AGPAT5: variants seen among roughly 807,000 people sequenced by gnomAD.
AGPAT5 encodes the protein 1-acyl-sn-glycerol-3-phosphate acyltransferase epsilon.
A neutral mutation model predicts 45.6 loss-of-function variants in AGPAT5; 46 were observed. That is an observed-to-expected ratio of 1.01 (90% CI 0.80 to 1.29). The LOEUF (loss-of-function observed/expected upper bound fraction) is 1.29, where lower values mean the gene tolerates loss of function less well. Ranked by LOEUF, AGPAT5 falls within the 50% of genes most tolerant of loss-of-function variation. The pLI is 0.00. For synonymous variants in AGPAT5, 272 were observed against 167.0 expected (o/e 1.63, Z -4.85); for missense variants, 673 against 450.7 (o/e 1.49, Z -4.47).
chr8:6,725,005 G>A (rs1466621031), intron 2 of AGPAT5, 66 bp downstream of exon 2: 10 of 547,634 alleles, frequency 1.8e-5, no homozygotes, highest in Admixed American at 4.8e-5. Flanking sequence ...TCAAAATACC[G>A]TTCTTATATT....
chr8:6,719,948 G>A (rs980692312), intron 1 of AGPAT5, among the ~76,000 whole-genome samples: 1 of 152,116 alleles, frequency 6.6e-6, no homozygotes, highest in Admixed American at 6.5e-5. Context: ...AGTGACTCTC[G>A]ATTGAAGAGA....
At chr8:6,753,098 C>T (rs1301572943) in intron 6 of AGPAT5, among the ~76,000 whole-genome samples, 2 of 152,230 alleles carry the variant, frequency 1.3e-5, no homozygotes, top group East Asian at 3.8e-4. Flanking sequence ...TACTCAAAAG[C>T]ATGCCGTAAA....
At chr8:6,717,368 G>T (rs1800366255) in intron 1 of AGPAT5, among the ~76,000 whole-genome samples, 1 of 152,160 alleles carries the variant, frequency 6.6e-6, no homozygotes, top group African/African-American at 2.4e-5. Context: ...TCCAGGGGCG[G>T]AAAGAAAGGA....
In AGPAT5 at chr8:6,708,843, C is replaced by T; in HGVS notation, c.175C>T (p.Gln59Ter). 2 of 1,611,482 alleles carry T rather than the reference C, an allele frequency of 1.2e-6. No homozygotes were observed. The highest frequency in any genetic ancestry group is 1.7e-6 in the Non-Finnish European group (2 of 1,179,536). ...GGACGACCGGCTCTACTGCGTCTACCAGAGCATGGTGCTCTTCTTCTTCGA... is the reference window on the plus strand; with the variant it reads ...GGACGACCGGCTCTACTGCGTCTACTAGAGCATGGTGCTCTTCTTCTTCGA... ...ALDDRLYCVY[Q>*]SMVLFFFENY... Residue 59 changes from glutamine (Q) to a stop codon, truncating the protein, a stop_gained, in exon 1 of 8, where the codon CAG becomes TAG. Transcript: ENST00000285518. LOFTEE classifies it high-confidence loss of function.
intron 5 of AGPAT5, chr8:6,745,699 C>T (rs543773594): frequency 1.3e-5 from 2 of 151,346 alleles, no homozygotes; most frequent in African/African-American, 4.9e-5. Context: ...GTCGTATTCC[C>T]TGTTATTATT....
At chr8:6,712,327 G>T (rs1190208491) in intron 1 of AGPAT5, among the ~76,000 whole-genome samples, 1 of 151,952 alleles carries the variant, frequency 6.6e-6, no homozygotes, top group African/African-American at 2.4e-5. Flanking sequence ...TCATATTTCG[G>T]TATTCTTTTA....
intron 1 of AGPAT5, among the ~76,000 whole-genome samples, chr8:6,720,858 C>T (rs895249679): frequency 6.6e-6 from 1 of 152,170 alleles, no homozygotes; most frequent in Non-Finnish European, 1.5e-5. Context: ...CCATGTGTCT[C>T]ATTGATCTCA....
chr8:6,729,831 C>T (rs1317774311), intron 2 of AGPAT5, among the ~76,000 whole-genome samples: 2 of 152,150 alleles, frequency 1.3e-5, no homozygotes, highest in Non-Finnish European at 2.9e-5. Context: ...TTGTTAATAA[C>T]ATATTTATTT....
chr8:6,752,264 C>G (rs17063473), intron 6 of AGPAT5, among the ~76,000 whole-genome samples: 1 of 152,064 alleles, frequency 6.6e-6, no homozygotes, highest in Non-Finnish European at 1.5e-5. Flanking sequence ...AGCGGTAACC[C>G]CAATTTGGAT....
Position 6,726,652 on chromosome 8 carries a change from A to G in AGPAT5, c.289+1713A>G, listed in dbSNP as rs374900316. On this transcript the variant is annotated intron_variant, in intron 2 of 7. Coordinates refer to ENST00000285518, the MANE Select transcript of AGPAT5 (RefSeq NM_018361.5). ...ATGAAAAAACAGATTAAAAAAAACA[A>G]TTCTGCATGTATTTGGGACTAGAAG... Among the ~76,000 whole-genome samples, 305 of 152,336 alleles carry G rather than the reference A, an allele frequency of 2.0e-3. 12 individuals are homozygous for G. In the South Asian group the frequency reaches 0.06, roughly 30 times the overall value.
intron 6 of AGPAT5, among the ~76,000 whole-genome samples, chr8:6,749,612 A>G (rs1285858694): frequency 1.3e-5 from 2 of 152,154 alleles, no homozygotes; most frequent in African/African-American, 2.4e-5. Flanking sequence ...TTCTTATTCT[A>G]CCATCCCTCC....
chr8:6,730,130 GAGA>G (rs924135800), intron 2 of AGPAT5, among the ~76,000 whole-genome samples: 1 of 151,546 alleles, frequency 6.6e-6, no homozygotes, highest in African/African-American at 2.4e-5. Context: ...TTAGGATTTA[GAGA>G]AGCTCATTTT....
chr8:6,748,137 C>T (rs373693828), intron 6 of AGPAT5, among the ~76,000 whole-genome samples: 4 of 152,084 alleles, frequency 2.6e-5, no homozygotes, highest in Non-Finnish European at 5.9e-5. Context: ...AGAAGGAGCA[C>T]GCCCGGCAGT....
At chr8:6,732,138 T>TTTAGCAGG (rs1456154258) in intron 3 of AGPAT5, among the ~76,000 whole-genome samples, 2 of 150,964 alleles carry the variant, frequency 1.3e-5, no homozygotes, top group African/African-American at 4.9e-5. Context: ...CATAAATATC[T>TTTAGCAGG]TTAGCAGGAT....
Position 6,708,828 on chromosome 8 carries a change from C to G in AGPAT5, c.160C>G (p.Leu54Val), listed in dbSNP as rs1462091844. 14 of 1,611,770 alleles carry G rather than the reference C, an allele frequency of 8.7e-6. No individual in the cohort carries two copies. The highest frequency in any genetic ancestry group is 1.3e-5 in the African/African-American group (1 of 74,908). The change falls in exon 1 of 8, where the codon CTC becomes GTC. Residue 54 changes from leucine (L) to valine (V), a missense_variant. Leu to Val is a conservative substitution (Grantham distance 32). Coordinates refer to ENST00000285518, the MANE Select transcript of AGPAT5 (RefSeq NM_018361.5). ...CTTCTACCAAGCGCTGGACGACCGG[C>G]TCTACTGCGTCTACCAGAGCATGGT... ...ARFYQALDDR[L>V]YCVYQSMVLF...
chr8:6,713,010 T>G (rs1229847484), intron 1 of AGPAT5, among the ~76,000 whole-genome samples: 1 of 152,248 alleles, frequency 6.6e-6, no homozygotes, highest in Admixed American at 6.5e-5. Flanking sequence ...TGGGTTTTTT[T>G]GAGTCAGGGT....
At chr8:6,734,101 A>T (rs1434551747) in intron 4 of AGPAT5, among the ~76,000 whole-genome samples, 6 of 152,012 alleles carry the variant, frequency 3.9e-5, no homozygotes, top group Non-Finnish European at 7.4e-5. Context: ...CTGAGCTTGG[A>T]TCTATGATTT....
chr8:6,713,777 G>A (rs1000548379), intron 1 of AGPAT5, among the ~76,000 whole-genome samples: 8 of 152,030 alleles, frequency 5.3e-5, no homozygotes, highest in African/African-American at 1.9e-4. Flanking sequence ...ATATTGCCCA[G>A]TCTGGTTTTG....
chr8:6,747,932 T>C (rs6651450), intron 6 of AGPAT5, 104 bp downstream of exon 6: 477,853 of 1,187,812 alleles, frequency 0.4, 97,176 homozygotes, highest in East Asian at 0.5. Context: ...CTTTTTTCCT[T>C]CATTACATTT....
Sources: gnomAD v4.1 joint callset for allele counts (sites outside exome capture counted in the v4.1 genomes callset) on GRCh38, gnomAD v4.1.1 for gene constraint, MANE v1.5 for transcripts, NCBI Gene and HGNC (gene_info 2026-07-23, HGNC 2026-07-21) for gene names.